The following STX8 variants were observed in gnomAD, a reference collection of about 807,000 sequenced individuals.
The protein encoded by STX8 is syntaxin-8.
STX8 carries 23 observed loss-of-function variants against 37.5 expected under a neutral mutation model. That is an observed-to-expected ratio of 0.61 (90% CI 0.44 to 0.87). The LOEUF is 0.87. Ranked by LOEUF, STX8 falls within the 40% of genes least tolerant of loss-of-function variation. STX8 has a pLI of 0.00. For synonymous variants in STX8, 115 were observed against 99.1 expected (o/e 1.16, Z -0.95); for missense variants, 313 against 284.7 (o/e 1.10, Z -0.71).
At chr17:9,296,152 T>C (rs979076399) in intron 7 of STX8, among the ~76,000 whole-genome samples, 7 of 152,004 alleles carry the variant, frequency 4.6e-5, no homozygotes, top group Non-Finnish European at 7.4e-5. Flanking sequence ...ATCGTGCTAC[T>C]GTACTCCAGC....
At chr17:9,488,792 A>AAG (rs1379249464) in intron 6 of STX8, among the ~76,000 whole-genome samples, 1 of 140,626 alleles carries the variant, frequency 7.1e-6, no homozygotes, top group African/African-American at 2.7e-5. Flanking sequence ...GTAAGACATT[A>AAG]AGAGAGAAAG....
At chr17:9,339,815 C>T (rs1015494887) in intron 7 of STX8, among the ~76,000 whole-genome samples, 1 of 152,112 alleles carries the variant, frequency 6.6e-6, no homozygotes, top group African/African-American at 2.4e-5. Flanking sequence ...ACAGAATTGG[C>T]GTAAGGACCG....
intron 3 of STX8, among the ~76,000 whole-genome samples, chr17:9,551,077 A>G (rs1248111137): frequency 6.6e-6 from 1 of 152,200 alleles, no homozygotes; most frequent in Non-Finnish European, 1.5e-5. Context: ...CTCCGTCTCA[A>G]AAAAAAATAG....
At chr17:9,567,228 C>T (rs1400339850) in intron 2 of STX8, among the ~76,000 whole-genome samples, 1 of 152,122 alleles carries the variant, frequency 6.6e-6, no homozygotes, top group Non-Finnish European at 1.5e-5. Context: ...GACAAAATAA[C>T]GTGTACAACA....
chr17:9,277,173 T>G (rs1907705854), intron 7 of STX8, among the ~76,000 whole-genome samples: 4 of 152,168 alleles, frequency 2.6e-5, no homozygotes. Context: ...TCAGTAGGTT[T>G]AATGCGGATG....
rs147982840 is a variant in STX8, at chr17:9,268,913, T to C, written c.644-18268A>G. On this transcript the variant is annotated intron_variant, in intron 7 of 7. Transcript: ENST00000306357. ...TAGAAGTATTTGAGGCCAGGCCGGG[T>C]GCAGTGGCTCACGCCTGTAATCCCA... Among the ~76,000 whole-genome samples the C allele has an allele frequency of 4.4e-3, 675 of 152,208 alleles. 12 individuals carry two copies. The highest frequency in any genetic ancestry group is 0.04 in the East Asian group (206 of 5,176).
At chr17:9,303,159 C>T (rs1314001982) in intron 7 of STX8, among the ~76,000 whole-genome samples, 1 of 152,008 alleles carries the variant, frequency 6.6e-6, no homozygotes, top group African/African-American at 2.4e-5. Context: ...GGCGTGGTGG[C>T]GCATTCCTGT....
chr17:9,257,609 C>T (rs1417354984), intron 7 of STX8, among the ~76,000 whole-genome samples: 1 of 152,156 alleles, frequency 6.6e-6, no homozygotes, highest in East Asian at 1.9e-4. Context: ...GTGAAGGGCG[C>T]TTTATCCAGG....
At chr17:9,467,650 T>C (rs185981530) in intron 6 of STX8, among the ~76,000 whole-genome samples, 1 of 152,274 alleles carries the variant, frequency 6.6e-6, no homozygotes, top group East Asian at 1.9e-4. Flanking sequence ...CCATGCACTC[T>C]TGCTTCACCA....
chr17:9,319,636 G>A (rs560077722), intron 7 of STX8, among the ~76,000 whole-genome samples: 17 of 152,064 alleles, frequency 1.1e-4, no homozygotes, highest in African/African-American at 3.1e-4. Context: ...AGGAAGATTC[G>A]GTTCAGAAAA....
At chr17:9,491,016 G>A (rs1906830658) in intron 6 of STX8, among the ~76,000 whole-genome samples, 1 of 152,096 alleles carries the variant, frequency 6.6e-6, no homozygotes, top group South Asian at 2.1e-4. Context: ...GCCACTCAAC[G>A]ACTCCACGCT....
At chr17:9,381,906 T>C (rs1444957093) in intron 6 of STX8, among the ~76,000 whole-genome samples, 1 of 151,960 alleles carries the variant, frequency 6.6e-6, no homozygotes, top group African/African-American at 2.4e-5. Context: ...GAGGTGGAGG[T>C]TGCAGTGAGG....
chr17:9,493,745 T>G (rs905605811), intron 5 of STX8, among the ~76,000 whole-genome samples: 1 of 152,206 alleles, frequency 6.6e-6, no homozygotes, highest in Non-Finnish European at 1.5e-5. Context: ...TCTTGTTAGC[T>G]AATCCCTCGT....
chr17:9,449,453 G>A (rs1019862895), intron 6 of STX8, among the ~76,000 whole-genome samples: 9 of 152,144 alleles, frequency 5.9e-5, no homozygotes, highest in Admixed American at 2.6e-4. Context: ...CCAGCTACTC[G>A]GGCGGCTGAG....
chr17:9,384,506 T>C (rs1911922029), intron 6 of STX8, among the ~76,000 whole-genome samples: 1 of 151,788 alleles, frequency 6.6e-6, no homozygotes, highest in South Asian at 2.1e-4. Flanking sequence ...GGCGTGATGG[T>C]GGGCTCCTGT....
At chr17:9,457,724 A>G (rs1364014740) in intron 6 of STX8, among the ~76,000 whole-genome samples, 1 of 152,244 alleles carries the variant, frequency 6.6e-6, no homozygotes, top group Non-Finnish European at 1.5e-5. Context: ...GAAGTTTCAG[A>G]TGCCACATCC....
intron 6 of STX8, among the ~76,000 whole-genome samples, chr17:9,449,266 TAAAC>T (rs1351051165): frequency 1.3e-5 from 2 of 152,052 alleles, no homozygotes; most frequent in Non-Finnish European, 2.9e-5. Context: ...CACTGGTAAA[TAAAC>T]AAACAAATTG....
chr17:9,428,085 C>T (rs2142362362), intron 6 of STX8, among the ~76,000 whole-genome samples: 1 of 152,240 alleles, frequency 6.6e-6, no homozygotes, highest in African/African-American at 2.4e-5. Flanking sequence ...AGAGTTCTCA[C>T]CTGGTTAGAG....
rs140735997 is a variant in STX8 at position 9,384,530 on chromosome 17, C to T, written c.542-5877G>A. ...GTGGGCTCCTGTAGTCCCAGCTACTCGGGAGGCTGAGGCAGGAGAATGGCA... is the reference window on the plus strand; with the variant it reads ...GTGGGCTCCTGTAGTCCCAGCTACTTGGGAGGCTGAGGCAGGAGAATGGCA... On this transcript the variant is annotated intron_variant, in intron 6 of 7. Coordinates refer to ENST00000306357, the MANE Select transcript of STX8 (RefSeq NM_004853.3). Among the ~76,000 whole-genome samples, 305 of 151,952 alleles carry T rather than the reference C, an allele frequency of 2.0e-3. 2 individuals carry two copies. Among genetic ancestry groups the T allele is most frequent in the African/African-American group, 6.3e-3 (262 of 41,432 alleles).
Sources: gnomAD v4.1 joint callset for allele counts (sites outside exome capture counted in the v4.1 genomes callset) on GRCh38, gnomAD v4.1.1 for gene constraint, MANE v1.5 for transcripts, NCBI Gene and HGNC (gene_info 2026-07-23, HGNC 2026-07-21) for gene names.